Variants in RUVBL1 observed in about 807,000 individuals in gnomAD.
RUVBL1 encodes the protein ruvB-like 1.
In RUVBL1, 4 loss-of-function variants were observed where a neutral mutation model predicts 52.4. The observed-to-expected ratio is 0.08, with a 90% CI of 0.04 to 0.17. The LOEUF is 0.17. Ranked by LOEUF, RUVBL1 falls within the 10% of genes least tolerant of loss-of-function variation. The probability of loss-of-function intolerance (pLI) is 1.00; values close to 1 mark genes in which losing one functional copy is unlikely to be tolerated. For synonymous variants in RUVBL1, 217 were observed against 214.4 expected (o/e 1.01, Z -0.10); for missense variants, 298 against 572.8 (o/e 0.52, Z 4.90).
chr3:128,117,891 CA>C, intron 2 of RUVBL1, among the ~76,000 whole-genome samples: 1 of 152,196 alleles, frequency 6.6e-6, no homozygotes, highest in East Asian at 1.9e-4. Flanking sequence ...TCAAAACCCT[CA>C]AAATTAGACT....
At chr3:128,122,629 T>C (rs1348194004) in intron 1 of RUVBL1, among the ~76,000 whole-genome samples, 2 of 152,214 alleles carry the variant, frequency 1.3e-5, no homozygotes, top group Non-Finnish European at 2.9e-5. Flanking sequence ...TTGAGGCCTT[T>C]CCATTTAGAA....
intron 1 of RUVBL1, among the ~76,000 whole-genome samples, chr3:128,131,048 G>A (rs1943870681): frequency 6.6e-6 from 1 of 152,106 alleles, no homozygotes; most frequent in African/African-American, 2.4e-5. Context: ...AGGCCCAGGA[G>A]TTTGAGGCTG....
rs561212877 is a variant in RUVBL1, at chr3:128,116,526, C to T, written c.228+2802G>A. Among the ~76,000 whole-genome samples, 10 of 138,452 alleles carry T rather than the reference C, an allele frequency of 7.2e-5. 1 individual carries two copies. The South Asian group carries it at 2.4e-3, about 33-fold the overall frequency. 90.8% of individuals were successfully genotyped at this position (138,452 alleles called of 152,430 possible). On this transcript the variant is annotated intron_variant, in intron 2 of 10. Transcript: ENST00000322623. ...CCTGGGCAAGAGAGCGAGACTTCAT[C>T]TCAAAAAAAAAAAAAAAAGACATTA...
chr3:128,153,232 G>A (rs1944281429), exon 1 of RUVBL1: 1 of 1,336,376 alleles, frequency 7.5e-7, no homozygotes, highest in Non-Finnish European at 9.5e-7. Flanking sequence ...TCACTTCTCA[G>A]AAGGATCCCT....
At chr3:128,124,041 C>T (rs1166924105), upstream of RUVBL1, among the ~76,000 whole-genome samples, 1 of 152,158 alleles carries the variant, frequency 6.6e-6, no homozygotes, top group Non-Finnish European at 1.5e-5. Context: ...AGGGCTGGGG[C>T]GTTGCACGAG....
chr3:128,144,421 G>A (rs553822671), intron 1 of RUVBL1, among the ~76,000 whole-genome samples: 17 of 152,270 alleles, frequency 1.1e-4, no homozygotes, highest in African/African-American at 4.1e-4. Context: ...AACCAGCATC[G>A]CATTAACATG....
At chr3:128,145,420 G>A (rs1027109342) in intron 1 of RUVBL1, among the ~76,000 whole-genome samples, 2 of 152,214 alleles carry the variant, frequency 1.3e-5, no homozygotes, top group Non-Finnish European at 2.9e-5. Flanking sequence ...GTTTCACTGT[G>A]AGTTTCTGTC....
intron 8 of RUVBL1, among the ~76,000 whole-genome samples, chr3:128,088,432 CTATAT>C (rs1308840975): frequency 6.8e-6 from 1 of 147,866 alleles, no homozygotes; most frequent in Non-Finnish European, 1.5e-5. Context: ...ACAGTATATA[CTATAT>C]TATAGTATAT....
At chr3:128,141,382 A>G (rs1336912418) in intron 1 of RUVBL1, among the ~76,000 whole-genome samples, 1 of 152,270 alleles carries the variant, frequency 6.6e-6, no homozygotes, top group Non-Finnish European at 1.5e-5. Flanking sequence ...CAACACTCAC[A>G]GGATTATTAA....
chr3:128,108,276 A>G (rs1943295680), intron 3 of RUVBL1, among the ~76,000 whole-genome samples: 1 of 152,174 alleles, frequency 6.6e-6, no homozygotes, highest in East Asian at 1.9e-4. Context: ...AAGATAGTCA[A>G]TGGCCTGCCT....
intron 1 of RUVBL1, among the ~76,000 whole-genome samples, chr3:128,147,798 G>C (rs765783527): frequency 9.9e-5 from 15 of 152,186 alleles, no homozygotes; most frequent in Non-Finnish European, 1.2e-4. Flanking sequence ...CTATACATAA[G>C]TGTTTAGAGC....
downstream of RUVBL1, among the ~76,000 whole-genome samples, chr3:128,080,713 C>T (rs148693727): frequency 6.6e-6 from 1 of 152,318 alleles, no homozygotes; most frequent in Non-Finnish European, 1.5e-5. Context: ...GAAGATGTCA[C>T]AGCCAAGAGG....
chr3:128,092,385 G>A (rs539344372), intron 8 of RUVBL1, among the ~76,000 whole-genome samples: 54 of 151,704 alleles, frequency 3.6e-4, no homozygotes, highest in South Asian at 2.1e-3. Context: ...ACTTCTGTGT[G>A]TCAAAAGACA....
intron 3 of RUVBL1, 107 bp from the exon 4 acceptor site, chr3:128,105,031 G>T: frequency 8.1e-7 from 1 of 1,229,760 alleles, no homozygotes; most frequent in Non-Finnish European, 1.1e-6. Context: ...CCTTAATAAT[G>T]TACATTCCAG....
intron 1 of RUVBL1, among the ~76,000 whole-genome samples, chr3:128,137,208 A>G (rs1032895523): frequency 2.6e-5 from 4 of 152,208 alleles, no homozygotes; most frequent in African/African-American, 9.6e-5. Flanking sequence ...AGAAGATCAG[A>G]GCAGAATTAA....
At chr3:128,122,216 T>C (rs1256175708) in intron 1 of RUVBL1, among the ~76,000 whole-genome samples, 2 of 152,238 alleles carry the variant, frequency 1.3e-5, no homozygotes, top group Non-Finnish European at 2.9e-5. Flanking sequence ...TGAACAGAGT[T>C]CATACTAGTC....
downstream of RUVBL1, chr3:128,076,060 C>CG (rs1942311703): frequency 6.5e-6 from 1 of 152,860 alleles, no homozygotes; most frequent in Non-Finnish European, 1.5e-5. This position sits in a 1 kb window ranked among gnomAD's most constrained non-coding sequence, Gnocchi z 6.8. Context: ...ACCTGGCACA[C>CG]GGCTCCTCCC....
At chr3:128,065,659 A>G (rs1172917243) in intron 9 of RUVBL1, among the ~76,000 whole-genome samples, 1 of 151,918 alleles carries the variant, frequency 6.6e-6, no homozygotes, top group Non-Finnish European at 1.5e-5. Context: ...TGCTGAGACT[A>G]AGCCACATTC....
intron 1 of RUVBL1, among the ~76,000 whole-genome samples, chr3:128,129,385 G>A (rs1215830408): frequency 1.3e-5 from 2 of 152,104 alleles, no homozygotes; most frequent in African/African-American, 2.4e-5. Flanking sequence ...ACAACGTACC[G>A]AAACTTATGG....
Sources: allele counts gnomAD v4.1 joint callset (sites outside exome capture counted in the v4.1 genomes callset), GRCh38; gene constraint gnomAD v4.1.1; non-coding constraint Gnocchi (gnomAD v3.1); transcripts MANE v1.5; gene names NCBI Gene and HGNC (gene_info 2026-07-23, HGNC 2026-07-21).